The following AXDND1 variants were observed in gnomAD, a reference collection of about 807,000 sequenced individuals.
AXDND1 encodes the protein axonemal dynein light chain domain containing 1.
A neutral mutation model predicts 137.5 loss-of-function variants in AXDND1; 110 were observed. That is an observed-to-expected ratio of 0.80 (90% CI 0.69 to 0.94). AXDND1 has a LOEUF of 0.94. Ranked by LOEUF, AXDND1 falls within the 40% of genes least tolerant of loss-of-function variation. The pLI, the probability that AXDND1 is intolerant of heterozygous loss-of-function variation, is 0.00. For synonymous variants in AXDND1, 414 were observed against 399.7 expected, an observed-to-expected ratio of 1.04 and a Z score of -0.43; for missense variants, 1,191 against 1,169.8, an observed-to-expected ratio of 1.02 and a Z score of -0.26.
rs149119239 is a variant in AXDND1 at position 179,486,139 on chromosome 1, A to AAAAAAAAAACAAAAAACT, written c.2091+2920_2091+2921insAAAAAAACAAAAAACTAA. 6.5e-3 allele frequency among the ~76,000 whole-genome samples: 567 copies of AAAAAAAAAACAAAAAACT among 87,634 alleles called. 68 individuals carry two copies. The highest frequency in any genetic ancestry group is 0.015 in the East Asian group (26 of 1,700). 57.5% of individuals were successfully genotyped at this position (87,634 alleles called of 152,430 possible). A position where few individuals can be genotyped will look rare whatever the true frequency, so the allele number is the denominator to read the frequency against. On this transcript the variant is annotated intron_variant, in intron 18 of 25. Transcript: ENST00000367618. ...TGTCTCAAAAAAAAAAAAAAAAAAA[A>AAAAAAAAAACAAAAAACT]AACCTGATAGAAATGAAAAACACAC...
chr1:179,427,336 C>T (rs1656727744), intron 12 of AXDND1, among the ~76,000 whole-genome samples: 1 of 151,792 alleles, frequency 6.6e-6, no homozygotes, highest in Non-Finnish European at 1.5e-5. Flanking sequence ...TTACTTTATA[C>T]TTCTATATTG....
intron 9 of AXDND1, among the ~76,000 whole-genome samples, chr1:179,387,621 G>A (rs1368623106): frequency 6.6e-6 from 1 of 152,212 alleles, no homozygotes; most frequent in East Asian, 1.9e-4. Flanking sequence ...ACAAATATTC[G>A]TTAGCTTTGT....
At chr1:179,407,639 T>C (rs1015683144) in intron 11 of AXDND1, among the ~76,000 whole-genome samples, 7 of 152,204 alleles carry the variant, frequency 4.6e-5, no homozygotes, top group African/African-American at 1.7e-4. Flanking sequence ...CTTGATGTTT[T>C]TCTCTTGCTG....
intron 25 of AXDND1, among the ~76,000 whole-genome samples, chr1:179,541,671 GCA>G (rs1408397082): frequency 4.4e-5 from 6 of 135,812 alleles, no homozygotes; most frequent in Non-Finnish European, 5.2e-5. Flanking sequence ...ATGATAATAT[GCA>G]TAATAATATT....
chr1:179,462,953 G>A (rs1030250395), intron 16 of AXDND1, among the ~76,000 whole-genome samples: 7 of 152,058 alleles, frequency 4.6e-5, no homozygotes, highest in African/African-American at 1.7e-4. Flanking sequence ...GTATTTCTGT[G>A]GGATCAGTGG....
At chr1:179,432,619 T>G (rs2125317877) in intron 15 of AXDND1, among the ~76,000 whole-genome samples, 1 of 152,236 alleles carries the variant, frequency 6.6e-6, no homozygotes, top group Non-Finnish European at 1.5e-5. Context: ...AGATACAAGG[T>G]TTCACCATGT....
intron 16 of AXDND1, among the ~76,000 whole-genome samples, chr1:179,460,103 T>G (rs1271901097): frequency 6.6e-6 from 1 of 151,776 alleles, no homozygotes; most frequent in Non-Finnish European, 1.5e-5. Context: ...GCAGGTTTGT[T>G]ACATGTGTAT....
At chr1:179,368,747 T>C (rs560976220) in intron 2 of AXDND1, 53 bp from the exon 3 acceptor site, 1 of 1,448,224 alleles carries the variant, frequency 6.9e-7, no homozygotes, top group Non-Finnish European at 9.4e-7. Context: ...AGAAGCTCCA[T>C]CTAACTTAAA....
intron 23 of AXDND1, among the ~76,000 whole-genome samples, chr1:179,531,679 G>A (rs533538625): frequency 3.4e-4 from 52 of 152,220 alleles, no homozygotes; most frequent in African/African-American, 1.3e-3. Context: ...TCCAACTAGG[G>A]GTCCAGAACT....
intron 20 of AXDND1, among the ~76,000 whole-genome samples, chr1:179,501,635 C>T (rs575159463): frequency 3.3e-5 from 5 of 152,172 alleles, no homozygotes; most frequent in African/African-American, 9.6e-5. Context: ...TCGCTTGAAC[C>T]GGGAAGGCGG....
intron 16 of AXDND1, chr1:179,452,678 G>A (rs1660705392): frequency 1.0e-5 from 1 of 98,322 alleles, no homozygotes; most frequent in South Asian, 4.1e-4. Flanking sequence ...CTGGGCGACA[G>A]AGCGAGACTC....
At chr1:179,554,374 C>CT in intron 25 of AXDND1, 138 bp from the exon 26 acceptor site, 1 of 1,356,636 alleles carries the variant, frequency 7.4e-7, no homozygotes, top group Non-Finnish European at 1.1e-6. Flanking sequence ...GCTGATATGG[C>CT]TATAGTACTC....
intron 25 of AXDND1, among the ~76,000 whole-genome samples, chr1:179,541,922 T>G (rs1225703087): frequency 1.3e-5 from 2 of 152,228 alleles, no homozygotes; most frequent in African/African-American, 4.8e-5. Context: ...AAAGGAGTTT[T>G]TAGTGACATG....
At position 179,429,635 on chromosome 1, in the gene AXDND1, C is replaced by G; in HGVS notation, c.1332+16C>G. The G allele has an allele frequency of 6.8e-7, 1 of 1,474,402 alleles. No homozygotes were observed. 91.3% of individuals were successfully genotyped at this position (1,474,402 alleles called of 1,614,324 possible). On this transcript the variant is annotated intron_variant, in intron 13 of 25. Coordinates refer to ENST00000367618, the MANE Select transcript of AXDND1 (RefSeq NM_144696.6). ...ATCAAACAAGGTAAAGGTCAATTAT[C>G]TTCAGTTATGGGAAAAAAAGATGCC...
At chr1:179,389,363 G>T (rs1192690538) in intron 9 of AXDND1, among the ~76,000 whole-genome samples, 1 of 152,142 alleles carries the variant, frequency 6.6e-6, no homozygotes, top group Admixed American at 6.5e-5. Context: ...TCTCATTCAT[G>T]GTGGTTTATT....
chr1:179,369,968 T>C lies in AXDND1; in HGVS notation c.271-7T>C, dbSNP rs1667873943. 5 of 1,609,688 alleles carry C rather than the reference T, an allele frequency of 3.1e-6. No homozygotes were observed. The East Asian group carries it at 6.7e-5, about 22-fold the overall frequency. ...CTGGATATTCATGTGTATTTGCTTTTTCCCAGGGCACTCTTCCACGCCTTG... is the reference window on the plus strand; with the variant it reads ...CTGGATATTCATGTGTATTTGCTTTCTCCCAGGGCACTCTTCCACGCCTTG... On this transcript the variant is annotated splice_region_variant and splice_polypyrimidine_tract_variant and intron_variant, in intron 3 of 25. Transcript: ENST00000367618.
At chr1:179,505,867 A>C (rs1390301476) in intron 20 of AXDND1, among the ~76,000 whole-genome samples, 1 of 152,154 alleles carries the variant, frequency 6.6e-6, no homozygotes, top group East Asian at 1.9e-4. Context: ...TGATCCTGGC[A>C]TAGCTTGATC....
chr1:179,426,201 A>C (rs1446022815), intron 12 of AXDND1, among the ~76,000 whole-genome samples: 1 of 152,180 alleles, frequency 6.6e-6, no homozygotes, highest in Non-Finnish European at 1.5e-5. Context: ...CAATCACTAG[A>C]AATAAAAGCA....
At chr1:179,476,330 T>A (rs1433588043) in intron 17 of AXDND1, among the ~76,000 whole-genome samples, 1 of 152,244 alleles carries the variant, frequency 6.6e-6, no homozygotes, top group African/African-American at 2.4e-5. Context: ...CATTTTTATG[T>A]TGTAGGTCCA....
Sources: gnomAD v4.1 joint callset for allele counts (sites outside exome capture counted in the v4.1 genomes callset) on GRCh38, gnomAD v4.1.1 for gene constraint, MANE v1.5 for transcripts, NCBI Gene and HGNC (gene_info 2026-07-23, HGNC 2026-07-21) for gene names.